The following KCNK12 variants were observed in gnomAD, a reference collection of about 807,000 sequenced individuals.
KCNK12 encodes the protein potassium channel subfamily K member 12.
Under a neutral mutation model 25.3 loss-of-function variants are expected in KCNK12, and 6 were observed. The ratio of observed to expected loss-of-function variants is 0.24; its 90% CI spans 0.13 to 0.47. The LOEUF is 0.47. Ranked by LOEUF, KCNK12 falls within the 20% of genes least tolerant of loss-of-function variation. The pLI is 0.99. For synonymous variants in KCNK12, 331 were observed against 311.1 expected (o/e 1.06, Z -0.67); for missense variants, 444 against 661.7 (o/e 0.67, Z 3.61).
Position 47,540,799 on chromosome 2 carries a change from A to AC in KCNK12, c.392-18992_392-18991insG, listed in dbSNP as rs1553379729. Among the ~76,000 whole-genome samples, 119 of 151,456 alleles carry AC rather than the reference A, an allele frequency of 7.9e-4. No individual in the cohort carries two copies. The highest frequency in any genetic ancestry group is 2.8e-3 in the African/African-American group (114 of 41,216). ...AACAAACAAACAAACAAACAAACAAAAGCAAGCTGGGCATGGTGGCTCACA... is the reference window on the plus strand; with the variant it reads ...AACAAACAAACAAACAAACAAACAAACAGCAAGCTGGGCATGGTGGCTCACA... On this transcript the variant is annotated intron_variant, in intron 1 of 1. Coordinates refer to ENST00000327876, the MANE Select transcript of KCNK12 (RefSeq NM_022055.2). The surrounding 1 kb of genome is among the most constrained non-coding windows in gnomAD (Gnocchi z 5.4).
intron 1 of KCNK12, among the ~76,000 whole-genome samples, chr2:47,546,252 T>C (rs1669312502): frequency 6.6e-6 from 1 of 152,268 alleles, no homozygotes; most frequent in African/African-American, 2.4e-5. Context: ...TACATGGTTA[T>C]GCTATTACTT....
rs1443449178 is a variant in KCNK12 at position 47,513,437 on chromosome 2, C to G, written c.*7470G>C. 6.6e-6 allele frequency among the ~76,000 whole-genome samples: 1 copy of G among 152,092 alleles called. No homozygotes were observed. Among genetic ancestry groups the G allele is most frequent in the African/African-American group, 2.4e-5 (1 of 41,392 alleles). ...CTTGGTTTTCTCCCATATCTCTGACCCTCTTTCCTTAGTCTTTTTTCTTCT... is the reference window on the plus strand; with the variant it reads ...CTTGGTTTTCTCCCATATCTCTGACGCTCTTTCCTTAGTCTTTTTTCTTCT... On this transcript the variant is annotated 3_prime_UTR_variant, in exon 2 of 2. Transcript: ENST00000327876.
intron 1 of KCNK12, among the ~76,000 whole-genome samples, chr2:47,542,793 G>C (rs976901821): frequency 2.0e-5 from 3 of 152,196 alleles, no homozygotes; most frequent in Admixed American, 6.5e-5. Flanking sequence ...CATGCACAGC[G>C]ACAAGCAAGA....
At chr2:47,532,010 G>C (rs1364495936) in intron 1 of KCNK12, among the ~76,000 whole-genome samples, 4 of 151,814 alleles carry the variant, frequency 2.6e-5, no homozygotes, top group Non-Finnish European at 1.5e-5. Context: ...TCATGTCACT[G>C]CACTCCAGCC....
At chr2:47,553,953 C>T (rs1164607017) in intron 1 of KCNK12, among the ~76,000 whole-genome samples, 1 of 152,166 alleles carries the variant, frequency 6.6e-6, no homozygotes, top group Non-Finnish European at 1.5e-5. Context: ...AGCTTTGCCA[C>T]TTACATGTGA....
intron 1 of KCNK12, among the ~76,000 whole-genome samples, chr2:47,553,916 G>A (rs1359611158): frequency 6.6e-6 from 1 of 152,182 alleles, no homozygotes. Flanking sequence ...CAAAAGATCT[G>A]GGGTCAGAGA....
Position 47,519,870 on chromosome 2 carries a change from G to A in KCNK12, c.*1037C>T, listed in dbSNP as rs956908260. Reference sequence around the variant, plus strand: ...GGTGCTGCAGGCCCTGGTTCCCAAGGACGCAGCTGGCAGAGGTGCCTCCTT... The same window carrying A: ...GGTGCTGCAGGCCCTGGTTCCCAAGAACGCAGCTGGCAGAGGTGCCTCCTT... On this transcript the variant is annotated 3_prime_UTR_variant, in exon 2 of 2. Coordinates refer to ENST00000327876, the MANE Select transcript of KCNK12 (RefSeq NM_022055.2). 3 of 152,256 alleles carry A rather than the reference G, an allele frequency of 2.0e-5. No individual in the cohort carries two copies. Among genetic ancestry groups the A allele is most frequent in the Non-Finnish European group, 4.4e-5 (3 of 68,062 alleles). 9.4% of individuals were successfully genotyped at this position (152,256 alleles called of 1,614,324 possible).
At chr2:47,543,004 C>T (rs149471849) in intron 1 of KCNK12, among the ~76,000 whole-genome samples, 281 of 152,248 alleles carry the variant, frequency 1.8e-3, no homozygotes, top group Middle Eastern at 6.8e-3. Flanking sequence ...AATCATAACG[C>T]GCTACAGCCT....
At chr2:47,524,443 A>T (rs558896811) in intron 1 of KCNK12, among the ~76,000 whole-genome samples, 4 of 152,274 alleles carry the variant, frequency 2.6e-5, no homozygotes, top group African/African-American at 9.6e-5. Flanking sequence ...GGAACAAAAT[A>T]AGCTGGACAC....
Position 47,533,870 on chromosome 2 carries a change from G to T in KCNK12, c.392-12062C>A, listed in dbSNP as rs1027956841. 6.6e-6 allele frequency among the ~76,000 whole-genome samples: 1 copy of T among 152,172 alleles called. No homozygotes were observed. The highest frequency in any genetic ancestry group is 2.4e-5 in the African/African-American group (1 of 41,440). ...TTTTCTTCCCTCCGAAGCCAGGCGT[G>T]GGGTGGGAGCATCCAGTGCACCCCT... On this transcript the variant is annotated intron_variant, in intron 1 of 1. Transcript: ENST00000327876. This position sits in a 1 kb window ranked among gnomAD's most constrained non-coding sequence, Gnocchi z 4.7.
In KCNK12 at chr2:47,557,353, A is replaced by G. The variant is rs1394304174; in HGVS notation, c.391+12588T>C. On this transcript the variant is annotated intron_variant, in intron 1 of 1. Transcript: ENST00000327876. This position sits in a 1 kb window ranked among gnomAD's most constrained non-coding sequence, Gnocchi z 4.9. ...TCACCATGTGATGCCTTCCACATGG[A>G]TGACTCTTGCCAGATGCCAGAGCCC... 2.6e-5 allele frequency among the ~76,000 whole-genome samples: 4 copies of G among 152,136 alleles called. No individual in the cohort carries two copies. The highest frequency in any genetic ancestry group is 4.4e-5 in the Non-Finnish European group (3 of 68,024).
rs1288232665 is a variant in KCNK12, at chr2:47,515,240, T to C, written c.*5667A>G. On this transcript the variant is annotated 3_prime_UTR_variant, in exon 2 of 2. Transcript: ENST00000327876. ...CTGGAAGCTAACAGGAAGGCCTCTT[T>C]CCAGAAACACTGTAAGCCAGTGTTT... 1.3e-5 allele frequency among the ~76,000 whole-genome samples: 2 copies of C among 152,188 alleles called. No homozygotes were observed. The highest frequency in any genetic ancestry group is 2.4e-5 in the African/African-American group (1 of 41,448).
Position 47,525,079 on chromosome 2 carries a change from C to A in KCNK12, c.392-3271G>T, listed in dbSNP as rs938939443. On this transcript the variant is annotated intron_variant, in intron 1 of 1. Coordinates refer to ENST00000327876, the MANE Select transcript of KCNK12 (RefSeq NM_022055.2). This position sits in a 1 kb window ranked among gnomAD's most constrained non-coding sequence, Gnocchi z 4.1. The stretch of plus-strand genomic sequence containing the variant: ...GAATTGGATTTTTCAGCTAAAGCCT[C>A]AAAGCTGAGAACAGTATGTGTACAT... 6.6e-6 allele frequency among the ~76,000 whole-genome samples: 1 copy of A among 152,228 alleles called. No homozygotes were observed. Among genetic ancestry groups the A allele is most frequent in the Non-Finnish European group, 1.5e-5 (1 of 68,048 alleles).
rs544597927 is a variant in KCNK12 at position 47,542,084 on chromosome 2, G to A, written c.392-20276C>T. ...TTATATTTATCCTGCTAACTGCAGGGGACTGTTTATTCCCAGAGAAATAAC... is the reference window on the plus strand; with the variant it reads ...TTATATTTATCCTGCTAACTGCAGGAGACTGTTTATTCCCAGAGAAATAAC... On this transcript the variant is annotated intron_variant, in intron 1 of 1. Transcript: ENST00000327876. Among the ~76,000 whole-genome samples the A allele has an allele frequency of 4.5e-4, 68 of 152,310 alleles. No homozygotes were observed. The South Asian group carries it at 0.013, about 29-fold the overall frequency.
chr2:47,512,336 C>G lies in KCNK12; in HGVS notation c.*8571G>C. ...AGTGACAGAGCCAAAAGACCAGTGCCTCATTTTGCTGACATGGAAAAGGAA... is the reference window on the plus strand; with the variant it reads ...AGTGACAGAGCCAAAAGACCAGTGCGTCATTTTGCTGACATGGAAAAGGAA... On this transcript the variant is annotated 3_prime_UTR_variant, in exon 2 of 2. Transcript: ENST00000327876. The G allele has an allele frequency of 3.7e-6, 6 of 1,612,646 alleles. No homozygotes were observed. Among genetic ancestry groups the G allele is most frequent in the Non-Finnish European group, 5.1e-6 (6 of 1,179,834 alleles).
Position 47,519,420 on chromosome 2 carries a change from G to C in KCNK12, c.*1487C>G, listed in dbSNP as rs934097882. 6.6e-6 allele frequency: 1 copy of C among 152,190 alleles called. No individual in the cohort carries two copies. The highest frequency in any genetic ancestry group is 6.5e-5 in the Admixed American group (1 of 15,288). 9.4% of individuals were successfully genotyped at this position (152,190 alleles called of 1,614,324 possible). A position where few individuals can be genotyped will look rare whatever the true frequency, so the allele number is the denominator to read the frequency against. On this transcript the variant is annotated 3_prime_UTR_variant, in exon 2 of 2. Transcript: ENST00000327876. The stretch of plus-strand genomic sequence containing the variant: ...TCTAAGACTTCCTATCAGAAGCTGT[G>C]CATACTGGTGGGTCACGCCGTGCCT...
At chr2:47,546,025 G>A (rs1558559058) in intron 1 of KCNK12, among the ~76,000 whole-genome samples, 1 of 151,944 alleles carries the variant, frequency 6.6e-6, no homozygotes, top group Non-Finnish European at 1.5e-5. Context: ...CAGAGAAAGA[G>A]GCAACTATGG....
At chr2:47,536,157 A>AGCTGCCCTGAGCTCCCCAGCCCCAC (rs1339175493) in intron 1 of KCNK12, among the ~76,000 whole-genome samples, 4 of 152,018 alleles carry the variant, frequency 2.6e-5, no homozygotes, top group Non-Finnish European at 4.4e-5. Context: ...TCTCCAGCTC[A>AGCTGCCCTGAGCTCCCCAGCCCCAC]GCTGCCCTGA....
intron 1 of KCNK12, among the ~76,000 whole-genome samples, chr2:47,542,037 A>G (rs1447176687): frequency 6.6e-6 from 1 of 152,168 alleles, no homozygotes; most frequent in Non-Finnish European, 1.5e-5. Context: ...TTGGTTTCTG[A>G]GCCCTGATCA....
Sources: allele counts gnomAD v4.1 joint callset (sites outside exome capture counted in the v4.1 genomes callset), GRCh38; gene constraint gnomAD v4.1.1; non-coding constraint Gnocchi (gnomAD v3.1); transcripts MANE v1.5; gene names NCBI Gene and HGNC (gene_info 2026-07-23, HGNC 2026-07-21).